Variants in ANXA2 observed in about 807,000 individuals in gnomAD.
The protein encoded by ANXA2 is annexin A2.
A neutral mutation model predicts 47.3 loss-of-function variants in ANXA2; 28 were observed. The ratio of observed to expected loss-of-function variants is 0.59; its 90% CI spans 0.44 to 0.81. The LOEUF is 0.81. ANXA2 is among the 40% of genes least tolerant of loss of function. ANXA2 has a pLI of 0.00. For synonymous variants in ANXA2, 172 were observed against 155.5 expected, an observed-to-expected ratio of 1.11 and a Z score of -0.79; for missense variants, 384 against 414.3, an observed-to-expected ratio of 0.93 and a Z score of 0.64.
chr15:60,349,016 T>C, intron 12 of ANXA2, 59 bp downstream of exon 12: 3 of 1,599,658 alleles, frequency 1.9e-6, no homozygotes, highest in Non-Finnish European at 2.6e-6. Context: ...CCAGGCCACC[T>C]GCCAGGGCCC....
chr15:60,367,185 G>T (rs867516298), intron 3 of ANXA2, among the ~76,000 whole-genome samples: 14 of 61,268 alleles, frequency 2.3e-4, no homozygotes, highest in Admixed American at 4.5e-4. Context: ...TCAGCCCCCC[G>T]TCCGGCCAGC....
chr15:60,395,926 C>T (rs1230576094), intron 1 of ANXA2: 1 of 152,182 alleles, frequency 6.6e-6, no homozygotes, highest in Admixed American at 6.5e-5. Context: ...AATCGACAGA[C>T]TTGGAAGAAG....
At chr15:60,370,375 A>G (rs932128165) in intron 3 of ANXA2, among the ~76,000 whole-genome samples, 6 of 152,224 alleles carry the variant, frequency 3.9e-5, no homozygotes, top group African/African-American at 1.4e-4. Context: ...AGAGGAAAAA[A>G]TCATGGAGCC....
intron 3 of ANXA2, among the ~76,000 whole-genome samples, chr15:60,367,064 G>T (rs1219424754): frequency 1.4e-5 from 1 of 69,890 alleles, no homozygotes; most frequent in East Asian, 3.8e-4. Flanking sequence ...CGTCCGGGAG[G>T]GGGGAGGGGG....
Position 60,393,424 on chromosome 15 carries a change from C to T in ANXA2, c.-12+4519G>A, listed in dbSNP as rs888957552. On this transcript the variant is annotated intron_variant, in intron 1 of 12. Transcript: ENST00000451270. The stretch of plus-strand genomic sequence containing the variant: ...TTTTATGGCCCACATATTGTATTTT[C>T]AACAGGGCCTGGCCGCCTACAGAAA... The T allele has an allele frequency of 8.9e-6, 9 of 1,006,790 alleles. No individual in the cohort carries two copies. In the African/African-American group the frequency reaches 1.6e-4, roughly 17 times the overall value. The allele number at this position is 1,006,790 out of a possible 1,614,324, so 62.4% of individuals were successfully genotyped here. A position where few individuals can be genotyped will look rare whatever the true frequency, so the allele number is the denominator to read the frequency against.
intron 10 of ANXA2, 117 bp downstream of exon 10, chr15:60,351,607 T>C (rs1566929317): frequency 1.4e-6 from 1 of 734,040 alleles, no homozygotes; most frequent in African/African-American, 1.7e-5. Context: ...TGTAAAACTA[T>C]CCAAAGCATG....
At chr15:60,360,298 T>C (rs1298336532) in intron 5 of ANXA2, among the ~76,000 whole-genome samples, 2 of 152,306 alleles carry the variant, frequency 1.3e-5, no homozygotes, top group East Asian at 3.9e-4. Flanking sequence ...ATATTTTAAG[T>C]ATGCACAAAG....
chr15:60,386,706 G>C (rs1255155258), intron 1 of ANXA2: 1 of 152,220 alleles, frequency 6.6e-6, no homozygotes, highest in Admixed American at 6.5e-5. Context: ...GATTTGAAAT[G>C]GTTGAAATGA....
rs1343546661 is a variant in ANXA2, at chr15:60,347,782, T to A, written c.961-93A>T. 1.1e-5 allele frequency: 12 copies of A among 1,124,880 alleles called. No individual in the cohort carries two copies. In the Admixed American group the frequency reaches 2.3e-4, roughly 21 times the overall value. The allele number at this position is 1,124,880 out of a possible 1,614,324, so 69.7% of individuals were successfully genotyped here. On this transcript the variant is annotated intron_variant, in intron 12 of 12. Transcript: ENST00000451270. The stretch of plus-strand genomic sequence containing the variant: ...AAGTAGCCTCAACGCACAATGAAGC[T>A]TCTCCCATGACAAAGAGAAGACTCT...
At chr15:60,375,079 A>G (rs1441549010) in intron 3 of ANXA2, among the ~76,000 whole-genome samples, 3 of 152,256 alleles carry the variant, frequency 2.0e-5, no homozygotes, top group Non-Finnish European at 4.4e-5. Context: ...CGTGCAGGTG[A>G]AACCAAAAAT....
At chr15:60,367,076 A>G (rs1224573134) in intron 3 of ANXA2, among the ~76,000 whole-genome samples, 44 of 18,982 alleles carry the variant, frequency 2.3e-3, no homozygotes, top group Admixed American at 3.4e-3. Context: ...GGGAGGGGGG[A>G]TCAGCCCCCC....
At chr15:60,351,896 G>C in intron 9 of ANXA2, 77 bp from the exon 10 acceptor site, 1 of 1,011,386 alleles carries the variant, frequency 9.9e-7, no homozygotes, top group South Asian at 1.4e-5. Flanking sequence ...CTAGTTTTAT[G>C]CACCATAATT....
intron 1 of ANXA2, among the ~76,000 whole-genome samples, chr15:60,393,870 C>A (rs2063047044): frequency 6.6e-6 from 1 of 152,184 alleles, no homozygotes; most frequent in South Asian, 2.1e-4. Flanking sequence ...TCAATTTCAT[C>A]TTGGGATGGT....
At chr15:60,393,293 T>G in intron 1 of ANXA2, 1 of 1,015,206 alleles carries the variant, frequency 9.9e-7, no homozygotes, top group South Asian at 3.7e-5. Context: ...TGATCTGGGG[T>G]TGGAGTGGGT....
At chr15:60,365,248 T>C (rs1408371145) in intron 3 of ANXA2, among the ~76,000 whole-genome samples, 4 of 152,034 alleles carry the variant, frequency 2.6e-5, no homozygotes, top group Non-Finnish European at 4.4e-5. Context: ...GCCACCAAAA[T>C]ATTTTAGTAC....
chr15:60,361,098 T>C, intron 4 of ANXA2, 44 bp from the exon 5 acceptor site: 2 of 1,345,852 alleles, frequency 1.5e-6, no homozygotes. Context: ...TTATTTTACT[T>C]TAAAACTAGT....
At chr15:60,351,555 C>T (rs1896013164) in intron 10 of ANXA2, 169 bp downstream of exon 10, 5 of 631,074 alleles carry the variant, frequency 7.9e-6, no homozygotes, top group Non-Finnish European at 1.4e-5. Flanking sequence ...CCAAGTTAGG[C>T]CTTTCTTCAG....
In ANXA2 at chr15:60,352,578, C is replaced by T. The variant is rs191173681; in HGVS notation, c.589-102G>A. 2.9e-4 allele frequency: 235 copies of T among 802,648 alleles called. 1 individual carries two copies. The East Asian group carries it at 4.7e-3, about 16-fold the overall frequency. 49.7% of individuals were successfully genotyped at this position (802,648 alleles called of 1,614,324 possible). Reference sequence around the variant, plus strand: ...AAAAAAAGCTACACATTCAAAATGCCAAACGAGGAAAGATGATTATACTGC... The same window carrying T: ...AAAAAAAGCTACACATTCAAAATGCTAAACGAGGAAAGATGATTATACTGC... On this transcript the variant is annotated intron_variant, in intron 8 of 12. Coordinates refer to ENST00000451270, the MANE Select transcript of ANXA2 (RefSeq NM_004039.3). This position sits in a 1 kb window ranked among gnomAD's most constrained non-coding sequence, Gnocchi z 4.2.
At chr15:60,379,743 T>C (rs1271381604) in intron 3 of ANXA2, among the ~76,000 whole-genome samples, 1 of 152,214 alleles carries the variant, frequency 6.6e-6, no homozygotes, top group Non-Finnish European at 1.5e-5. Context: ...ATTTTATAAA[T>C]AGTTGCAATG....
Sources: gnomAD v4.1 joint callset for allele counts (sites outside exome capture counted in the v4.1 genomes callset) on GRCh38, gnomAD v4.1.1 for gene constraint, Gnocchi (gnomAD v3.1) non-coding constraint, MANE v1.5 for transcripts, NCBI Gene and HGNC (gene_info 2026-07-23, HGNC 2026-07-21) for gene names.